MIS18BP1: variants seen among roughly 807,000 people sequenced by gnomAD.
MIS18BP1 encodes the protein mis18-binding protein 1.
A neutral mutation model predicts 116.1 loss-of-function variants in MIS18BP1; 72 were observed. The ratio of observed to expected loss-of-function variants is 0.62; its 90% CI spans 0.51 to 0.75. The LOEUF is 0.75. Among genes scored for constraint, MIS18BP1 ranks in the 30% least tolerant of loss-of-function variants. MIS18BP1 has a pLI of 0.00. For synonymous variants in MIS18BP1, 386 were observed against 427.0 expected, an observed-to-expected ratio of 0.90 and a Z score of 1.18; for missense variants, 1,363 against 1,303.2, an observed-to-expected ratio of 1.05 and a Z score of -0.71.
intron 8 of MIS18BP1, among the ~76,000 whole-genome samples, chr14:45,230,252 C>T (rs1247828865): frequency 6.6e-6 from 1 of 152,170 alleles, no homozygotes; most frequent in Non-Finnish European, 1.5e-5. Context: ...AATGTTCATA[C>T]ATTTTTATAC....
At chr14:45,221,722 A>G (rs1890981701) in intron 11 of MIS18BP1, among the ~76,000 whole-genome samples, 1 of 152,132 alleles carries the variant, frequency 6.6e-6, no homozygotes, top group African/African-American at 2.4e-5. Flanking sequence ...TTTTCTTATT[A>G]TTGGGTGGAA....
chr14:45,221,392 G>A lies in MIS18BP1; in HGVS notation c.2669+2526C>T, dbSNP rs902737995. Among the ~76,000 whole-genome samples, 23 of 152,192 alleles carry A rather than the reference G, an allele frequency of 1.5e-4. No individual in the cohort carries two copies. The East Asian group carries it at 2.1e-3, about 14-fold the overall frequency. The stretch of plus-strand genomic sequence containing the variant: ...GTGGAGCTTGCAGTGAGCAGAGATC[G>A]CGCCACTTCACTCCAGCCTGGGCGA... On this transcript the variant is annotated intron_variant, in intron 11 of 16. Coordinates refer to ENST00000310806, the MANE Select transcript of MIS18BP1 (RefSeq NM_018353.5).
intron 2 of MIS18BP1, among the ~76,000 whole-genome samples, chr14:45,244,567 C>T (rs1040872594): frequency 6.6e-6 from 1 of 152,170 alleles, no homozygotes; most frequent in Non-Finnish European, 1.5e-5. Flanking sequence ...CCAACTCCCC[C>T]CAATTCTACA....
At position 45,227,784 on chromosome 14, in the gene MIS18BP1, G is replaced by C. The variant is rs1167262823; in HGVS notation, c.1625C>G (p.Pro542Arg). The change falls in exon 9 of 17, where the codon CCA (proline) becomes CGA (arginine). Residue 542 changes from proline (P) to arginine (R), a missense_variant. Physicochemically the swap from Pro to Arg is moderately radical, Grantham distance 103 (BLOSUM62 -2). Transcript: ENST00000310806. ...GCACATGTTTAATTCTGTAGCTCCT[G>C]GTGACTCACTGTGCTTATTACTCTT... ...ELKSNKHSES[P>R]GATELNMCHS... 3.1e-6 allele frequency: 5 copies of C among 1,613,790 alleles called. No homozygotes were observed. In the African/African-American group the frequency reaches 6.7e-5, roughly 22 times the overall value.
At chr14:45,207,833 G>A (rs2139138947) in intron 14 of MIS18BP1, among the ~76,000 whole-genome samples, 1 of 152,250 alleles carries the variant, frequency 6.6e-6, no homozygotes, top group South Asian at 2.1e-4. Flanking sequence ...AGAGAGTGAA[G>A]AAGCCTAAGA....
chr14:45,249,638 A>G (rs982752829), intron 1 of MIS18BP1, among the ~76,000 whole-genome samples: 5 of 152,218 alleles, frequency 3.3e-5, no homozygotes, highest in African/African-American at 1.2e-4. Flanking sequence ...TGGGAGGCCA[A>G]GGCAGGAGAA....
intron 11 of MIS18BP1, among the ~76,000 whole-genome samples, chr14:45,220,047 T>C (rs1890931337): frequency 6.6e-6 from 1 of 152,166 alleles, no homozygotes; most frequent in Non-Finnish European, 1.5e-5. Context: ...CATCTTGTAC[T>C]GCTCTTTGGT....
rs757646108 is a variant in MIS18BP1 at position 45,227,834 on chromosome 14, G to C, written c.1595-20C>G. On this transcript the variant is annotated intron_variant, in intron 8 of 16. Coordinates refer to ENST00000310806, the MANE Select transcript of MIS18BP1 (RefSeq NM_018353.5). Reference sequence around the variant, plus strand: ...TCAGTTCTATGAATACAAAGATGGAGATTTCAATAAATGGTTATATAAAAG... The same window carrying C: ...TCAGTTCTATGAATACAAAGATGGACATTTCAATAAATGGTTATATAAAAG... The C allele has an allele frequency of 4.4e-6, 7 of 1,606,296 alleles. No homozygotes were observed. Among genetic ancestry groups the C allele is most frequent in the Non-Finnish European group, 6.0e-6 (7 of 1,175,822 alleles).
At chr14:45,208,233 A>G (rs997532950) in intron 14 of MIS18BP1, among the ~76,000 whole-genome samples, 1 of 152,078 alleles carries the variant, frequency 6.6e-6, no homozygotes, top group African/African-American at 2.4e-5. Flanking sequence ...GTCATTCTCA[A>G]ACTTTCAGTA....
In MIS18BP1 at chr14:45,214,763, T is replaced by A. The variant is rs113014582; in HGVS notation, c.3003+2256A>T. ...TTAGTTCTGTTCTTTACATTTTTAT[T>A]TTTTTGAGATGGAGTTTCGCTCTTG... On this transcript the variant is annotated intron_variant, in intron 13 of 16. Transcript: ENST00000310806. 7.3e-3 allele frequency among the ~76,000 whole-genome samples: 1,109 copies of A among 152,336 alleles called. 22 individuals are homozygous for A. The highest frequency in any genetic ancestry group is 0.025 in the African/African-American group (1,053 of 41,560).
intron 2 of MIS18BP1, among the ~76,000 whole-genome samples, chr14:45,245,653 C>T (rs774378630): frequency 6.6e-5 from 10 of 152,108 alleles, no homozygotes; most frequent in Admixed American, 2.0e-4. Context: ...CATGAGCCAC[C>T]GTGCCCGGCC....
intron 13 of MIS18BP1, 98 bp downstream of exon 13, chr14:45,216,921 C>A (rs963164446): frequency 1.7e-5 from 23 of 1,316,080 alleles, no homozygotes; most frequent in Non-Finnish European, 2.3e-5. Context: ...GGCTACTGAT[C>A]CTTGGCCTAA....
intron 10 of MIS18BP1, among the ~76,000 whole-genome samples, chr14:45,225,055 T>A (rs1043294195): frequency 1.3e-4 from 20 of 152,186 alleles, no homozygotes; most frequent in African/African-American, 4.6e-4. Flanking sequence ...TGTCAAAATC[T>A]CAACTATATT....
Position 45,232,735 on chromosome 14 carries a change from T to C in MIS18BP1, c.1434A>G (p.Leu478=). The C allele has an allele frequency of 7.0e-7, 1 of 1,424,268 alleles. No individual in the cohort carries two copies. The highest frequency in any genetic ancestry group is 9.6e-7 in the Non-Finnish European group (1 of 1,042,356). The allele number at this position is 1,424,268 out of a possible 1,614,324, so 88.2% of individuals were successfully genotyped here. The change falls in exon 7 of 17, where the codon TTA becomes TTG. Residue 478 remains leucine (L), a splice_region_variant and synonymous_variant. Coordinates refer to ENST00000310806, the MANE Select transcript of MIS18BP1 (RefSeq NM_018353.5). ...AAAAACATAAAACAACATTTTACCT[T>C]AATTGTTCCAGAAAATTATCAATGT... The part of the protein sequence containing the change: ...KEHIDNFLEQ[L]RAGEKNREKT...
chr14:45,217,034 C>T lies in MIS18BP1; in HGVS notation c.2988G>A (p.Gln996=). The T allele has an allele frequency of 6.2e-7, 1 of 1,613,942 alleles. No individual in the cohort carries two copies. The highest frequency in any genetic ancestry group is 8.5e-7 in the Non-Finnish European group (1 of 1,179,914). ...HDDFFSTTPL[Q]HQRILLPSFQ... ...TGCCTCTTACCAGTATTCTTTGATG[C>T]TGTAAAGGTGTTGTACTGAAAAAAT... The change falls in exon 13 of 17, where the codon CAG becomes CAA. Residue 996 remains glutamine, a synonymous_variant. Transcript: ENST00000310806.
At chr14:45,238,727 A>T (rs1383640750) in intron 4 of MIS18BP1, among the ~76,000 whole-genome samples, 1 of 152,176 alleles carries the variant, frequency 6.6e-6, no homozygotes, top group Admixed American at 6.5e-5. Context: ...GGAGAGGCAG[A>T]GGTGGGAGGA....
At chr14:45,246,479 C>G (rs1020695562) in intron 2 of MIS18BP1, among the ~76,000 whole-genome samples, 1 of 152,188 alleles carries the variant, frequency 6.6e-6, no homozygotes, top group South Asian at 2.1e-4. Flanking sequence ...CTCTGACCAT[C>G]GCACTGAAAA....
intron 13 of MIS18BP1, among the ~76,000 whole-genome samples, chr14:45,215,398 T>C (rs79204839): frequency 0.078 from 11,936 of 152,240 alleles, 626 homozygotes; most frequent in South Asian, 0.16. Flanking sequence ...TTGTCTGTTA[T>C]CCACACATTT....
chr14:45,225,058 A>T (rs1891089232), intron 10 of MIS18BP1, among the ~76,000 whole-genome samples: 1 of 152,118 alleles, frequency 6.6e-6, no homozygotes, highest in Non-Finnish European at 1.5e-5. Context: ...CAAAATCTCA[A>T]CTATATTCTA....
Sources: gnomAD v4.1 joint callset for allele counts (sites outside exome capture counted in the v4.1 genomes callset) on GRCh38, gnomAD v4.1.1 for gene constraint, MANE v1.5 for transcripts, NCBI Gene and HGNC (gene_info 2026-07-23, HGNC 2026-07-21) for gene names.